ARHGEF11: variants seen among roughly 807,000 people sequenced by gnomAD.
ARHGEF11 encodes the protein Rho guanine exchange factor (GEF) 11.
Under a neutral mutation model 193.7 loss-of-function variants are expected in ARHGEF11, and 55 were observed. The ratio of observed to expected loss-of-function variants is 0.28; its 90% CI spans 0.23 to 0.36. The LOEUF is 0.36. Among genes scored for constraint, ARHGEF11 ranks in the 10% least tolerant of loss-of-function variants. The pLI is 1.00. For missense variants in ARHGEF11, 1,723 were observed against 2,005.6 expected, an observed-to-expected ratio of 0.86 and a Z score of 2.69; for synonymous variants, 693 against 768.0, an observed-to-expected ratio of 0.90 and a Z score of 1.62.
chr1:157,035,777 A>AAT (rs1167719189), intron 1 of ARHGEF11, among the ~76,000 whole-genome samples: 8 of 116,052 alleles, frequency 6.9e-5, no homozygotes, highest in Non-Finnish European at 9.7e-5. Context: ...TATATACAGG[A>AAT]ATATATATAT....
intron 38 of ARHGEF11, among the ~76,000 whole-genome samples, chr1:156,937,988 T>G (rs537711639): frequency 1.2e-3 from 179 of 152,216 alleles, no homozygotes; most frequent in African/African-American, 4.1e-3. Flanking sequence ...AGGAAGGACG[T>G]GGAGGGTTCC....
Position 156,947,389 on chromosome 1 carries a change from G to T in ARHGEF11, c.2403C>A (p.Tyr801Ter). 1 of 1,614,046 alleles carries T rather than the reference G, an allele frequency of 6.2e-7. No homozygotes were observed. The highest frequency in any genetic ancestry group is 8.5e-7 in the Non-Finnish European group (1 of 1,179,982). Residue 801 changes from tyrosine (Y) to a stop codon, truncating the protein, a stop_gained, in exon 26 of 41, where the codon TAC becomes TAA. Coordinates refer to ENST00000368194, the MANE Select transcript of ARHGEF11 (RefSeq NM_198236.3). LOFTEE classifies it high-confidence loss of function. ...TCAGGTTCTCCTTCTTCATTCGCTG[G>T]TAGAAGATCAGGTCCAGGACCCGGA... ...RTLRVLDLIF[Y>*]QRMKKENLMP...
intron 1 of ARHGEF11, among the ~76,000 whole-genome samples, chr1:157,021,951 G>A (rs1670039273): frequency 6.6e-6 from 1 of 152,166 alleles, no homozygotes; most frequent in Admixed American, 6.6e-5. Flanking sequence ...ACAAAACCAT[G>A]ATCATCTCAA....
rs776388046 is a variant in ARHGEF11 at position 156,942,807 on chromosome 1, G to A, written c.3236-27C>T. 1.1e-5 allele frequency: 17 copies of A among 1,598,372 alleles called. No individual in the cohort carries two copies. In the African/African-American group the frequency reaches 1.3e-4, roughly 13 times the overall value. On this transcript the variant is annotated intron_variant, in intron 32 of 40. Coordinates refer to ENST00000368194, the MANE Select transcript of ARHGEF11 (RefSeq NM_198236.3). Reference sequence around the variant, plus strand: ...TGTGTGAGGAAAGGAAGGTAGAAGGGTCTGTACTAGGGATGGCAGGTGTGA... The same window carrying A: ...TGTGTGAGGAAAGGAAGGTAGAAGGATCTGTACTAGGGATGGCAGGTGTGA...
upstream of ARHGEF11, among the ~76,000 whole-genome samples, chr1:157,045,946 C>T (rs974506514): frequency 6.6e-6 from 1 of 150,862 alleles, no homozygotes; most frequent in Non-Finnish European, 1.5e-5. Context: ...TCCCCTCACG[C>T]CGCGGCGGCC....
chr1:157,007,921 T>G (rs865988701), intron 1 of ARHGEF11, among the ~76,000 whole-genome samples: 46 of 133,102 alleles, frequency 3.5e-4, no homozygotes, highest in Admixed American at 7.0e-4. Context: ...TTGTTTTTTT[T>G]TTTTTTGTCT....
intron 15 of ARHGEF11, 90 bp from the exon 16 acceptor site, chr1:156,959,232 T>C (rs775508457): frequency 6.6e-6 from 7 of 1,066,318 alleles, no homozygotes; most frequent in Non-Finnish European, 9.9e-6. Flanking sequence ...GCATTTCAGC[T>C]CCCTATGACA....
chr1:157,003,476 T>A (rs1186811861), intron 1 of ARHGEF11, among the ~76,000 whole-genome samples: 2 of 152,234 alleles, frequency 1.3e-5, no homozygotes, highest in African/African-American at 4.8e-5. Flanking sequence ...ACACTAAGCA[T>A]CTGCTGAGTA....
At chr1:156,998,209 C>G (rs1055549328) in intron 1 of ARHGEF11, among the ~76,000 whole-genome samples, 2 of 152,210 alleles carry the variant, frequency 1.3e-5, no homozygotes, top group East Asian at 3.9e-4. Context: ...ATCTTCACCC[C>G]TTAGTAGAAC....
chr1:157,033,825 C>A (rs776793881), intron 1 of ARHGEF11, among the ~76,000 whole-genome samples: 5 of 152,122 alleles, frequency 3.3e-5, no homozygotes, highest in Non-Finnish European at 7.4e-5. Context: ...TATTTTTTGG[C>A]CTCAATGTAA....
At chr1:157,010,646 G>A (rs1203751861) in intron 1 of ARHGEF11, among the ~76,000 whole-genome samples, 4 of 151,986 alleles carry the variant, frequency 2.6e-5, no homozygotes, top group East Asian at 1.9e-4. Context: ...GGCCTCAAGC[G>A]ATCCTCCCAT....
intron 1 of ARHGEF11, among the ~76,000 whole-genome samples, chr1:157,043,196 G>C (rs1233442927): frequency 6.6e-6 from 1 of 152,144 alleles, no homozygotes; most frequent in African/African-American, 2.4e-5. Flanking sequence ...GGGCATGGAG[G>C]GAACAATTGC....
chr1:156,993,324 C>A (rs1010230215), intron 1 of ARHGEF11, among the ~76,000 whole-genome samples: 2 of 152,082 alleles, frequency 1.3e-5, no homozygotes, highest in African/African-American at 4.8e-5. Context: ...GACATATACA[C>A]ATATATACAT....
intron 1 of ARHGEF11, among the ~76,000 whole-genome samples, chr1:157,018,225 A>G (rs1262726860): frequency 3.9e-5 from 6 of 152,342 alleles, no homozygotes; most frequent in African/African-American, 1.4e-4. Context: ...ATAGACTGAC[A>G]AACTGAATGT....
rs371571688 is a variant in ARHGEF11, at chr1:156,936,882, G to C, written c.4564C>G (p.Pro1522Ala). Reference sequence around the variant, plus strand: ...TCAGAAGCTAGGGGCTCCTTAGCGGGAGGTGAGAGGGAGCCATCTGTCCAT... The same window carrying C: ...TCAGAAGCTAGGGGCTCCTTAGCGGCAGGTGAGAGGGAGCCATCTGTCCAT... ...ARWTDGSLSP[P>A]AKEPLASDSR... The change falls in exon 40 of 41, where the codon CCC becomes GCC. Residue 1522 changes from proline to alanine, a missense_variant. Pro to Ala is a conservative substitution (Grantham distance 27, BLOSUM62 -1). Transcript: ENST00000368194. The C allele has an allele frequency of 8.1e-6, 13 of 1,614,052 alleles. No homozygotes were observed. The highest frequency in any genetic ancestry group is 1.1e-5 in the Non-Finnish European group (13 of 1,180,040).
In ARHGEF11 at chr1:156,948,752, G is replaced by A; in HGVS notation, c.1926-254C>T. On this transcript the variant is annotated intron_variant, in intron 22 of 40. Transcript: ENST00000368194. This position sits in a 1 kb window ranked among gnomAD's most constrained non-coding sequence, Gnocchi z 4.2. ...AGTCATCTTCCTCTGGAGCTATTAG[G>A]AAGGGATCCTAACAGGAAGATGAAA... is the stretch of plus-strand genomic sequence containing the variant. 7.0e-7 allele frequency: 1 copy of A among 1,436,048 alleles called. No homozygotes were observed. Among genetic ancestry groups the A allele is most frequent in the Non-Finnish European group, 9.2e-7 (1 of 1,089,958 alleles). 89.0% of individuals were successfully genotyped at this position (1,436,048 alleles called of 1,614,324 possible).
intron 37 of ARHGEF11, 161 bp from the exon 38 acceptor site, chr1:156,938,674 C>T: frequency 1.7e-6 from 1 of 591,486 alleles, no homozygotes; most frequent in Non-Finnish European, 2.9e-6. Flanking sequence ...ACATCCCAGG[C>T]AGTGCAGAGA....
chr1:156,936,497 A>AAAAAAAAAAATATATAT (rs370282821), intron 40 of ARHGEF11, among the ~76,000 whole-genome samples: 4 of 33,916 alleles, frequency 1.2e-4, no homozygotes, highest in African/African-American at 3.1e-4. Context: ...AAAAAAAAAA[A>AAAAAAAAAAATATATAT]ATATATATAT....
intron 3 of ARHGEF11, among the ~76,000 whole-genome samples, chr1:156,982,465 T>C (rs1400017582): frequency 2.6e-5 from 4 of 152,180 alleles, no homozygotes; most frequent in Non-Finnish European, 5.9e-5. Context: ...TAACCGCTGC[T>C]TTGTTACTCT....
Sources: allele counts gnomAD v4.1 joint callset (sites outside exome capture counted in the v4.1 genomes callset), GRCh38; gene constraint gnomAD v4.1.1; non-coding constraint Gnocchi (gnomAD v3.1); transcripts MANE v1.5; gene names NCBI Gene and HGNC (gene_info 2026-07-23, HGNC 2026-07-21).